PCDH7: variants seen among roughly 807,000 people sequenced by gnomAD.
PCDH7 encodes protocadherin-7.
Under a neutral mutation model 58.9 loss-of-function variants are expected in PCDH7, and 17 were observed. That is an observed-to-expected ratio of 0.29 (90% CI 0.20 to 0.43). The LOEUF is 0.43. Ranked by LOEUF, PCDH7 falls within the 20% of genes least tolerant of loss-of-function variation. The pLI is 1.00. For synonymous variants in PCDH7, 664 were observed against 616.4 expected, an observed-to-expected ratio of 1.08 and a Z score of -1.14; for missense variants, 1,274 against 1,441.0, an observed-to-expected ratio of 0.88 and a Z score of 1.88.
At chr4:30,944,500 G>A (rs1185585804) in intron 2 of PCDH7, among the ~76,000 whole-genome samples, 2 of 152,014 alleles carry the variant, frequency 1.3e-5, no homozygotes, top group African/African-American at 2.4e-5. Flanking sequence ...TGTAAAGGAG[G>A]CTTGAAAACC....
intron 1 of PCDH7, among the ~76,000 whole-genome samples, chr4:30,780,480 T>C (rs10003247): frequency 0.86 from 129,751 of 151,042 alleles, 55,962 homozygotes; most frequent in African/African-American, 0.89. Flanking sequence ...GCACTCCAGC[T>C]TGGGTGACAG....
intron 3 of PCDH7, among the ~76,000 whole-genome samples, chr4:31,043,916 A>G (rs1227112240): frequency 1.3e-5 from 2 of 152,160 alleles, no homozygotes; most frequent in African/African-American, 4.8e-5. Context: ...GTAAAGGCAT[A>G]GGCTAAAGTG....
At chr4:30,814,916 A>G (rs977616495) in intron 1 of PCDH7, among the ~76,000 whole-genome samples, 2 of 151,922 alleles carry the variant, frequency 1.3e-5, no homozygotes, top group Non-Finnish European at 2.9e-5. Flanking sequence ...GCCTTCCTAT[A>G]TTATGTTTGA....
At chr4:31,059,435 A>G (rs1757507442) in intron 3 of PCDH7, among the ~76,000 whole-genome samples, 1 of 151,976 alleles carries the variant, frequency 6.6e-6, no homozygotes, top group South Asian at 2.1e-4. Flanking sequence ...TGAAAGCATG[A>G]CAGTAGAATT....
chr4:30,827,152 T>C (rs1729197248), intron 1 of PCDH7, among the ~76,000 whole-genome samples: 1 of 152,200 alleles, frequency 6.6e-6, no homozygotes, highest in Middle Eastern at 3.2e-3. Flanking sequence ...TTTTAACTTA[T>C]ATGTCATTTC....
intron 3 of PCDH7, among the ~76,000 whole-genome samples, chr4:31,129,624 T>A (rs1324114215): frequency 6.6e-6 from 1 of 152,070 alleles, no homozygotes; most frequent in Non-Finnish European, 1.5e-5. Flanking sequence ...TTTCTTTAAA[T>A]TTTGTTATTA....
intron 1 of PCDH7, among the ~76,000 whole-genome samples, chr4:30,825,425 G>T (rs1332267486): frequency 6.6e-6 from 1 of 151,806 alleles, no homozygotes; most frequent in African/African-American, 2.4e-5. Context: ...TTAGTGTATT[G>T]CCCATGAACC....
intron 3 of PCDH7, among the ~76,000 whole-genome samples, chr4:31,006,660 A>T (rs960949702): frequency 6.6e-6 from 1 of 152,070 alleles, no homozygotes; most frequent in Non-Finnish European, 1.5e-5. Flanking sequence ...TTGGATGCTG[A>T]GGTGGGCGGA....
At chr4:30,811,926 A>G (rs1211195056) in intron 1 of PCDH7, among the ~76,000 whole-genome samples, 1 of 152,180 alleles carries the variant, frequency 6.6e-6, no homozygotes, top group East Asian at 1.9e-4. Flanking sequence ...CAGAAAGGTT[A>G]ACCAAAGCCA....
At chr4:30,836,360 C>T (rs1462586736) in intron 1 of PCDH7, among the ~76,000 whole-genome samples, 3 of 152,100 alleles carry the variant, frequency 2.0e-5, no homozygotes. Context: ...CTGCAAGGAT[C>T]CACAGGAGGA....
chr4:30,885,849 C>T (rs1737663937), intron 1 of PCDH7, among the ~76,000 whole-genome samples: 1 of 152,110 alleles, frequency 6.6e-6, no homozygotes, highest in Admixed American at 6.6e-5. Context: ...TTTGACAAAC[C>T]TGAGAAAAAC....
chr4:30,777,230 A>T (rs1310127003), intron 1 of PCDH7, among the ~76,000 whole-genome samples: 1 of 152,168 alleles, frequency 6.6e-6, no homozygotes, highest in Non-Finnish European at 1.5e-5. Flanking sequence ...TCTACTTTCT[A>T]GTGACCTGGC....
intron 1 of PCDH7, among the ~76,000 whole-genome samples, chr4:30,751,940 G>T (rs1349557914): frequency 2.0e-5 from 3 of 151,996 alleles, no homozygotes; most frequent in African/African-American, 7.2e-5. Context: ...ATTTTCTCCT[G>T]TTTCAAAATA....
At chr4:30,797,366 G>C (rs779742946) in intron 1 of PCDH7, among the ~76,000 whole-genome samples, 39 of 151,248 alleles carry the variant, frequency 2.6e-4, no homozygotes, top group Non-Finnish European at 3.4e-4. Context: ...TCCGCCTCCC[G>C]GGTTCACACC....
At chr4:30,869,141 C>A (rs1735234400) in intron 1 of PCDH7, 1 of 151,818 alleles carries the variant, frequency 6.6e-6, no homozygotes. Flanking sequence ...CAGCAGCATG[C>A]CACCCCAGAA....
At chr4:30,900,703 A>C (rs4692482) in intron 1 of PCDH7, among the ~76,000 whole-genome samples, 34,441 of 152,066 alleles carry the variant, frequency 0.23, 4,269 homozygotes, top group East Asian at 0.29. Flanking sequence ...AAAAATGCTA[A>C]AAGGCAGAAG....
At chr4:31,138,585 G>A (rs756940142) in intron 3 of PCDH7, among the ~76,000 whole-genome samples, 11 of 152,168 alleles carry the variant, frequency 7.2e-5, no homozygotes, top group African/African-American at 2.4e-4. Context: ...GGACCCGTTC[G>A]CTGTTCCATC....
intron 3 of PCDH7, among the ~76,000 whole-genome samples, chr4:31,032,221 G>T (rs1037074893): frequency 6.6e-6 from 1 of 152,120 alleles, no homozygotes; most frequent in Non-Finnish European, 1.5e-5. Flanking sequence ...TAAATTATAC[G>T]CAAGATCATA....
chr4:30,875,975 T>G (rs1004011306), intron 1 of PCDH7, among the ~76,000 whole-genome samples: 5 of 152,094 alleles, frequency 3.3e-5, no homozygotes, highest in African/African-American at 4.8e-5. Context: ...GTTATGTAAG[T>G]AGTTTCTGAG....
Sources: gnomAD v4.1 joint callset for allele counts (sites outside exome capture counted in the v4.1 genomes callset) on GRCh38, gnomAD v4.1.1 for gene constraint, MANE v1.5 for transcripts, NCBI Gene and HGNC (gene_info 2026-07-23, HGNC 2026-07-21) for gene names.